Variants in ZFYVE9 observed in about 807,000 individuals in gnomAD.
ZFYVE9 encodes zinc finger FYVE domain-containing protein 9.
A neutral mutation model predicts 126.7 loss-of-function variants in ZFYVE9; 43 were observed. The observed-to-expected ratio is 0.34, with a 90% CI of 0.27 to 0.44. The LOEUF is 0.44. Among genes scored for constraint, ZFYVE9 ranks in the 20% least tolerant of loss-of-function variants. The pLI is 1.00. For synonymous variants in ZFYVE9, 521 were observed against 597.4 expected (o/e 0.87, Z 1.87); for missense variants, 1,476 against 1,697.0 (o/e 0.87, Z 2.29).
intron 4 of ZFYVE9, among the ~76,000 whole-genome samples, chr1:52,258,256 G>A (rs1390615310): frequency 2.0e-5 from 3 of 151,586 alleles, no homozygotes; most frequent in Non-Finnish European, 2.9e-5. Context: ...AGATATTTCA[G>A]CAGTATAATT....
intron 1 of ZFYVE9, among the ~76,000 whole-genome samples, chr1:52,155,320 G>GC (rs971834086): frequency 2.1e-5 from 3 of 145,048 alleles, no homozygotes; most frequent in Non-Finnish European, 4.5e-5. Context: ...TGCAGGCTCC[G>GC]CCCCCCGGGG....
intron 1 of ZFYVE9, among the ~76,000 whole-genome samples, chr1:52,200,000 A>T (rs996700405): frequency 2.0e-5 from 3 of 147,680 alleles, no homozygotes; most frequent in Non-Finnish European, 4.5e-5. Context: ...GTGTCTGTAC[A>T]GGTCTTTGGC....
chr1:52,194,099 A>G (rs923567683), intron 1 of ZFYVE9, among the ~76,000 whole-genome samples: 1 of 152,106 alleles, frequency 6.6e-6, no homozygotes, highest in Non-Finnish European at 1.5e-5. Context: ...ACAGAGCCAG[A>G]CTCCATCTCA....
At chr1:52,158,448 G>A (rs1010939797) in intron 1 of ZFYVE9, among the ~76,000 whole-genome samples, 1 of 152,186 alleles carries the variant, frequency 6.6e-6, no homozygotes, top group African/African-American at 2.4e-5. Context: ...TGCGCAGCAG[G>A]GAGTGCTAAC....
At chr1:52,150,728 C>T (rs1025436583) in intron 1 of ZFYVE9, among the ~76,000 whole-genome samples, 14 of 143,744 alleles carry the variant, frequency 9.7e-5, no homozygotes, top group African/African-American at 2.3e-4. Flanking sequence ...GCCGAGATCA[C>T]GCCACTGCAC....
chr1:52,332,335 T>G (rs1646350085), intron 13 of ZFYVE9, among the ~76,000 whole-genome samples: 1 of 152,082 alleles, frequency 6.6e-6, no homozygotes, highest in Non-Finnish European at 1.5e-5. Context: ...ATTTCATATG[T>G]TTTTAGAGGG....
chr1:52,311,057 G>A (rs1228947496), intron 13 of ZFYVE9, among the ~76,000 whole-genome samples: 3 of 152,056 alleles, frequency 2.0e-5, no homozygotes, highest in Non-Finnish European at 2.9e-5. Context: ...GTAGAGATGA[G>A]GTCTTACTGC....
chr1:52,280,230 A>AG (rs1157160288), intron 9 of ZFYVE9, among the ~76,000 whole-genome samples: 1 of 151,698 alleles, frequency 6.6e-6, no homozygotes, highest in African/African-American at 2.4e-5. Flanking sequence ...AAAAAAAAAA[A>AG]AAAATTGGGC....
intron 6 of ZFYVE9, among the ~76,000 whole-genome samples, 173 bp downstream of exon 6, chr1:52,267,004 A>G (rs1022859435): frequency 1.3e-5 from 2 of 152,244 alleles, no homozygotes; most frequent in Non-Finnish European, 2.9e-5. Flanking sequence ...CTGGGCAAGT[A>G]GAGAATAATA....
At chr1:52,321,063 G>C (rs12043342) in intron 13 of ZFYVE9, among the ~76,000 whole-genome samples, 2 of 152,260 alleles carry the variant, frequency 1.3e-5, no homozygotes, top group Non-Finnish European at 2.9e-5. Context: ...TGTGATACAA[G>C]AATCTGTGAA....
At chr1:52,290,484 A>G (rs1645907667) in intron 10 of ZFYVE9, among the ~76,000 whole-genome samples, 1 of 152,182 alleles carries the variant, frequency 6.6e-6, no homozygotes, top group South Asian at 2.1e-4. Context: ...TTAATTCCCT[A>G]TTCTCCTCCT....
intron 1 of ZFYVE9, among the ~76,000 whole-genome samples, chr1:52,175,573 TCTC>T (rs1644618436): frequency 1.3e-5 from 2 of 151,296 alleles, no homozygotes; most frequent in South Asian, 4.2e-4. Flanking sequence ...TTGGGGAAGT[TCTC>T]CTGGATAATA....
rs147705174 is a variant in ZFYVE9 at position 52,224,004 on chromosome 1, C to T, written c.-37+7530C>T. Among the ~76,000 whole-genome samples, 584 of 152,200 alleles carry T rather than the reference C, an allele frequency of 3.8e-3. 6 individuals carry two copies. Among genetic ancestry groups the T allele is most frequent in the African/African-American group, 0.013 (555 of 41,546 alleles). ...GTTTGATCTGCGATTCCAAAAGGGT[C>T]GTCTAACAGTGGTTTGAGTTCCTTT... is the stretch of plus-strand genomic sequence containing the variant. On this transcript the variant is annotated intron_variant, in intron 2 of 18. Coordinates refer to ENST00000287727, the MANE Select transcript of ZFYVE9 (RefSeq NM_004799.4).
chr1:52,179,690 CAAAG>C (rs142020443), intron 1 of ZFYVE9, among the ~76,000 whole-genome samples: 5,305 of 150,808 alleles, frequency 0.035, 335 homozygotes, highest in African/African-American at 0.12. Context: ...CAAAAGGAGA[CAAAG>C]AAAAGAAGAG....
chr1:52,270,048 C>T (rs1645674170), intron 7 of ZFYVE9, among the ~76,000 whole-genome samples: 1 of 152,136 alleles, frequency 6.6e-6, no homozygotes, highest in Non-Finnish European at 1.5e-5. Context: ...AACCATTTTG[C>T]CACATTTGCT....
intron 13 of ZFYVE9, among the ~76,000 whole-genome samples, chr1:52,312,587 G>T (rs1437223583): frequency 6.6e-6 from 1 of 152,174 alleles, no homozygotes; most frequent in East Asian, 1.9e-4. Flanking sequence ...CATCAGGCAG[G>T]TGTAGGAGCT....
chr1:52,332,703 G>A, intron 13 of ZFYVE9, 65 bp from the exon 14 acceptor site: 1 of 1,561,082 alleles, frequency 6.4e-7, no homozygotes, highest in Admixed American at 1.9e-5. Flanking sequence ...AGAAGATGGA[G>A]TTGCACCATG....
chr1:52,163,469 G>C (rs927244813), intron 1 of ZFYVE9, among the ~76,000 whole-genome samples: 51 of 152,134 alleles, frequency 3.4e-4, no homozygotes, highest in Admixed American at 1.4e-3. Context: ...TTGGTTGCAG[G>C]CTCCAGCAAA....
At chr1:52,295,771 C>T in intron 11 of ZFYVE9, 124 bp from the exon 12 acceptor site, 1 of 754,700 alleles carries the variant, frequency 1.3e-6, no homozygotes, top group Non-Finnish European at 2.1e-6. Context: ...TTTTTGAGCC[C>T]AAAATTTGAT....
Sources: gnomAD v4.1 joint callset for allele counts (sites outside exome capture counted in the v4.1 genomes callset) on GRCh38, gnomAD v4.1.1 for gene constraint, MANE v1.5 for transcripts, NCBI Gene and HGNC (gene_info 2026-07-23, HGNC 2026-07-21) for gene names.